STPG4: variants seen among roughly 807,000 people sequenced by gnomAD.
STPG4 encodes sperm-tail PG-rich repeat containing 4, also known as protein STPG4.
In STPG4, 41 loss-of-function variants were observed where a neutral mutation model predicts 31.5. That is an observed-to-expected ratio of 1.30 (90% CI 1.01 to 1.69). The LOEUF is 1.69. STPG4 is among the 40% of genes most tolerant of loss of function. The pLI is 0.00. For synonymous variants in STPG4, 141 were observed against 103.0 expected, an observed-to-expected ratio of 1.37 and a Z score of -2.24; for missense variants, 375 against 293.4, an observed-to-expected ratio of 1.28 and a Z score of -2.03.
intron 5 of STPG4, chr2:47,108,604 G>C (rs933540278): frequency 1.3e-4 from 21 of 161,596 alleles, no homozygotes; most frequent in Non-Finnish European, 2.1e-4. Flanking sequence ...CTGTCCTGGA[G>C]ATTCCTTTCA....
chr2:47,155,115 T>A lies in STPG4; in HGVS notation c.81+56A>T. 3 of 1,522,466 alleles carry A rather than the reference T, an allele frequency of 2.0e-6. No individual in the cohort carries two copies. In the Admixed American group the frequency reaches 5.1e-5, roughly 26 times the overall value. The allele number at this position is 1,522,466 out of a possible 1,614,324, so 94.3% of individuals were successfully genotyped here. A position where few individuals can be genotyped will look rare whatever the true frequency, so the allele number is the denominator to read the frequency against. On this transcript the variant is annotated intron_variant, in intron 1 of 6. Transcript: ENST00000445927. ...GGATTAGAGAGCGGTGGGAAAAGGG[T>A]AGTGGGCCTGGTGAGGGGAGCAGGA...
At chr2:47,118,484 A>G (rs1203044676) in intron 5 of STPG4, among the ~76,000 whole-genome samples, 1 of 152,222 alleles carries the variant, frequency 6.6e-6, no homozygotes, top group East Asian at 1.9e-4. Context: ...TAATAGAAAT[A>G]AGGTGCACAA....
At chr2:47,133,606 T>C (rs1194500752) in intron 3 of STPG4, among the ~76,000 whole-genome samples, 3 of 118,418 alleles carry the variant, frequency 2.5e-5, no homozygotes, top group Non-Finnish European at 5.3e-5. Flanking sequence ...AGACTGAGTT[T>C]GGCTCTTGTC....
intron 5 of STPG4, among the ~76,000 whole-genome samples, chr2:47,116,910 G>T (rs1051561081): frequency 6.6e-6 from 1 of 152,188 alleles, no homozygotes; most frequent in East Asian, 1.9e-4. Flanking sequence ...CAGTGAGTGA[G>T]AAAGATATAA....
intron 5 of STPG4, among the ~76,000 whole-genome samples, chr2:47,107,055 A>C (rs1219320916): frequency 6.6e-6 from 1 of 151,986 alleles, no homozygotes. Context: ...GTCATTGGCC[A>C]AATTCCCAAC....
chr2:47,127,404 G>A (rs1420760807), intron 5 of STPG4, among the ~76,000 whole-genome samples: 1 of 151,890 alleles, frequency 6.6e-6, no homozygotes, highest in African/African-American at 2.4e-5. Context: ...AAGTAGCAGG[G>A]ATTACAGGTG....
intron 5 of STPG4, among the ~76,000 whole-genome samples, chr2:47,120,386 C>T (rs546133786): frequency 6.6e-6 from 1 of 152,056 alleles, no homozygotes; most frequent in Admixed American, 6.6e-5. Flanking sequence ...AATGTTAGCT[C>T]TGGCTTGTGG....
At chr2:47,124,742 T>C (rs1376066194) in intron 5 of STPG4, among the ~76,000 whole-genome samples, 1 of 152,234 alleles carries the variant, frequency 6.6e-6, no homozygotes, top group East Asian at 1.9e-4. Flanking sequence ...AAACACCAGA[T>C]ACCTCTTCAA....
chr2:47,099,847 C>T (rs941057004), intron 5 of STPG4, among the ~76,000 whole-genome samples: 3 of 152,204 alleles, frequency 2.0e-5, no homozygotes, highest in South Asian at 2.1e-4. Flanking sequence ...GCCCTGCTGG[C>T]CCCGGGCAAT....
At chr2:47,154,041 T>G (rs1326969508) in intron 1 of STPG4, among the ~76,000 whole-genome samples, 1 of 152,212 alleles carries the variant, frequency 6.6e-6, no homozygotes, top group African/African-American at 2.4e-5. Flanking sequence ...ATAAAATCAT[T>G]AAAATGTTGA....
rs371407286 is a variant in STPG4, at chr2:47,154,412, G to A, written c.81+759C>T. ...TAAGGAAAATGAGATGGGAAGGAGA[G>A]AGAAGTAAACGCGATCAATCTAATG... On this transcript the variant is annotated intron_variant, in intron 1 of 6. Transcript: ENST00000445927. 3.3e-4 allele frequency among the ~76,000 whole-genome samples: 50 copies of A among 152,284 alleles called. No individual in the cohort carries two copies. In the South Asian group the frequency reaches 6.2e-3, roughly 19 times the overall value.
intron 3 of STPG4, among the ~76,000 whole-genome samples, chr2:47,130,634 C>G (rs976498037): frequency 1.3e-5 from 2 of 152,080 alleles, no homozygotes; most frequent in African/African-American, 4.8e-5. Flanking sequence ...TCTGCCTCAC[C>G]CTCCCGAGTA....
chr2:47,097,886 C>A (rs932906656), intron 5 of STPG4, among the ~76,000 whole-genome samples: 2 of 149,958 alleles, frequency 1.3e-5, no homozygotes, highest in Non-Finnish European at 3.0e-5. Flanking sequence ...TGGAGGCCCA[C>A]GTGGGTAGAT....
intron 5 of STPG4, among the ~76,000 whole-genome samples, chr2:47,119,531 CAGCCTTCATTTAAA>C (rs752736385): frequency 4.6e-5 from 7 of 152,220 alleles, no homozygotes; most frequent in Non-Finnish European, 1.0e-4. Context: ...TATTAACTCA[CAGCCTTCATTTAAA>C]AGCATGCATT....
At chr2:47,146,341 C>A (rs187618842) in intron 3 of STPG4, among the ~76,000 whole-genome samples, 1 of 152,086 alleles carries the variant, frequency 6.6e-6, no homozygotes, top group Non-Finnish European at 1.5e-5. Context: ...AACAGCCCCC[C>A]GCCCCACCCA....
intron 3 of STPG4, among the ~76,000 whole-genome samples, chr2:47,139,275 C>A (rs1402079321): frequency 6.6e-6 from 1 of 152,202 alleles, no homozygotes; most frequent in Non-Finnish European, 1.5e-5. Flanking sequence ...TAGGCACATA[C>A]ACATTGCCAA....
Position 47,107,430 on chromosome 2 carries a change from G to A in STPG4, c.520-17056C>T, listed in dbSNP as rs533540675. Among the ~76,000 whole-genome samples, 323 of 152,298 alleles carry A rather than the reference G, an allele frequency of 2.1e-3. 2 individuals carry two copies. The highest frequency in any genetic ancestry group is 0.01 in the Middle Eastern group (3 of 294). Reference sequence around the variant, plus strand: ...CGAGGGGCTTAGCACCCGGGCCAGCGGCTGCAGAGGGTGTACTGGGTCCCC... The same window carrying A: ...CGAGGGGCTTAGCACCCGGGCCAGCAGCTGCAGAGGGTGTACTGGGTCCCC... On this transcript the variant is annotated intron_variant, in intron 5 of 6. Transcript: ENST00000445927.
At chr2:47,141,608 G>A (rs369410099) in intron 3 of STPG4, among the ~76,000 whole-genome samples, 26 of 151,244 alleles carry the variant, frequency 1.7e-4, no homozygotes, top group African/African-American at 6.3e-4. Flanking sequence ...ACCACTTTGA[G>A]TGCTACTTTT....
intron 5 of STPG4, among the ~76,000 whole-genome samples, chr2:47,093,549 T>C (rs768399156): frequency 6.6e-6 from 1 of 152,188 alleles, no homozygotes; most frequent in Non-Finnish European, 1.5e-5. Context: ...ATGATGGCCA[T>C]CTGCAGAATG....
Sources: allele counts gnomAD v4.1 joint callset (sites outside exome capture counted in the v4.1 genomes callset), GRCh38; gene constraint gnomAD v4.1.1; transcripts MANE v1.5; gene names NCBI Gene and HGNC (gene_info 2026-07-23, HGNC 2026-07-21).